The following LDAH variants were observed in gnomAD, a reference collection of about 807,000 sequenced individuals.
The protein encoded by LDAH is lipid droplet-associated hydrolase.
LDAH carries 26 observed loss-of-function variants against 29.6 expected under a neutral mutation model. The observed-to-expected ratio is 0.88, with a 90% CI of 0.64 to 1.22. The LOEUF (loss-of-function observed/expected upper bound fraction) is 1.22. LDAH is among the 50% of genes most tolerant of loss of function. The pLI is 0.00. For missense variants in LDAH, 344 were observed against 387.3 expected (o/e 0.89, Z 0.94); for synonymous variants, 117 against 133.0 (o/e 0.88, Z 0.83).
intron 1 of LDAH, among the ~76,000 whole-genome samples, chr2:20,802,870 T>C (rs1671800683): frequency 6.6e-6 from 1 of 152,192 alleles, no homozygotes; most frequent in Non-Finnish European, 1.5e-5. Context: ...GCCTTTAAAA[T>C]ATTTTTCATT....
At chr2:20,812,551 G>A (rs1470493548) in intron 1 of LDAH, among the ~76,000 whole-genome samples, 1 of 152,058 alleles carries the variant, frequency 6.6e-6, no homozygotes, top group Non-Finnish European at 1.5e-5. Flanking sequence ...TGACTTCTCT[G>A]CTGCCATATA....
chr2:20,714,105 T>C (rs1664978383), intron 5 of LDAH, among the ~76,000 whole-genome samples: 1 of 152,146 alleles, frequency 6.6e-6, no homozygotes, highest in South Asian at 2.1e-4. Context: ...ATGGCACTTA[T>C]TCCAAAATTG....
At chr2:20,798,263 G>T (rs1390553632) in intron 2 of LDAH, among the ~76,000 whole-genome samples, 1 of 152,128 alleles carries the variant, frequency 6.6e-6, no homozygotes, top group Non-Finnish European at 1.5e-5. Flanking sequence ...AGAAACGAGG[G>T]ATCCAAGCCA....
At chr2:20,735,333 A>G (rs143913288) in intron 5 of LDAH, among the ~76,000 whole-genome samples, 146 of 151,882 alleles carry the variant, frequency 9.6e-4, no homozygotes, top group African/African-American at 3.5e-3. Context: ...TTTTCTCTCT[A>G]TTGGATAATT....
chr2:20,789,766 C>T (rs1294647912), intron 3 of LDAH, among the ~76,000 whole-genome samples: 4 of 152,148 alleles, frequency 2.6e-5, no homozygotes, highest in East Asian at 1.9e-4. Flanking sequence ...GTCAGATCAG[C>T]GGCAGCAATG....
intron 4 of LDAH, among the ~76,000 whole-genome samples, chr2:20,767,480 G>C (rs1205393117): frequency 6.6e-6 from 1 of 152,234 alleles, no homozygotes; most frequent in Non-Finnish European, 1.5e-5. Flanking sequence ...GTCCCCTCTG[G>C]ACTTCGGGTG....
At chr2:20,769,961 T>C (rs1669293866) in intron 4 of LDAH, among the ~76,000 whole-genome samples, 1 of 152,134 alleles carries the variant, frequency 6.6e-6, no homozygotes, top group African/African-American at 2.4e-5. Flanking sequence ...AAAACTAAAA[T>C]AGACATACAT....
chr2:20,684,753 C>A lies in LDAH; in HGVS notation c.*2150G>T. 9.6e-7 allele frequency: 1 copy of A among 1,039,240 alleles called. No homozygotes were observed. Among genetic ancestry groups the A allele is most frequent in the Non-Finnish European group, 1.4e-6 (1 of 726,862 alleles). The allele number at this position is 1,039,240 out of a possible 1,614,324, so 64.4% of individuals were successfully genotyped here. A position where few individuals can be genotyped will look rare whatever the true frequency, so the allele number is the denominator to read the frequency against. On this transcript the variant is annotated 3_prime_UTR_variant, in exon 7 of 7. Coordinates refer to ENST00000237822, the MANE Select transcript of LDAH (RefSeq NM_021925.4). ...GGTCAAAGCTCAATCGCTGAGCACT[C>A]GGTAACTCTGCAGGAAGTTAAAACT... is the stretch of plus-strand genomic sequence containing the variant.
At chr2:20,760,585 T>C (rs1397978450) in intron 4 of LDAH, among the ~76,000 whole-genome samples, 1 of 152,184 alleles carries the variant, frequency 6.6e-6, no homozygotes, top group Non-Finnish European at 1.5e-5. Context: ...ATTCAGTTCT[T>C]TGTAGTGTAG....
At chr2:20,818,819 T>C (rs1043662820) in intron 1 of LDAH, among the ~76,000 whole-genome samples, 5 of 152,126 alleles carry the variant, frequency 3.3e-5, no homozygotes, top group Non-Finnish European at 7.4e-5. Flanking sequence ...AACTGCAAAA[T>C]ACTGTAGGAG....
At position 20,774,954 on chromosome 2, in the gene LDAH, G is replaced by A. The variant is rs1669702120; in HGVS notation, c.324C>T (p.Asp108=). The change falls in exon 4 of 7, where the codon GAC becomes GAT. Residue 108 remains aspartate (D), a synonymous_variant. Coordinates refer to ENST00000237822, the MANE Select transcript of LDAH (RefSeq NM_021925.4). ...CTATTTGTCCATTTAGTCCATAAAT[G>A]TCCTTAATTTCTTGAGCGTTTGAAT... ...SEDSNAQEIK[D]IYGLNGQIEH... The A allele has an allele frequency of 1.3e-6, 2 of 1,598,174 alleles. No homozygotes were observed. The highest frequency in any genetic ancestry group is 1.7e-6 in the Non-Finnish European group (2 of 1,168,510).
At chr2:20,689,148 T>C (rs1662812791) in intron 6 of LDAH, among the ~76,000 whole-genome samples, 1 of 152,086 alleles carries the variant, frequency 6.6e-6, no homozygotes, top group South Asian at 2.1e-4. Flanking sequence ...TTCATCCATG[T>C]CCCTGCAAAG....
intron 2 of LDAH, among the ~76,000 whole-genome samples, chr2:20,800,941 A>G (rs1671615566): frequency 6.6e-6 from 1 of 152,194 alleles, no homozygotes; most frequent in African/African-American, 2.4e-5. Flanking sequence ...CAAATATTCT[A>G]TAATAAACAT....
chr2:20,782,699 C>T lies in LDAH; in HGVS notation c.298+7556G>A, dbSNP rs369651068. On this transcript the variant is annotated intron_variant, in intron 3 of 6. Transcript: ENST00000237822. The stretch of plus-strand genomic sequence containing the variant: ...TTTCTTTCTGAATACTTGTAATTTG[C>T]GTCTTCTCTTTCTCCCCCCTTGGTT... Among the ~76,000 whole-genome samples the T allele has an allele frequency of 1.6e-3, 247 of 152,140 alleles. 2 individuals are homozygous for T. The highest frequency in any genetic ancestry group is 5.6e-3 in the African/African-American group (231 of 41,504).
intron 1 of LDAH, among the ~76,000 whole-genome samples, chr2:20,807,895 G>A (rs1320856007): frequency 2.0e-5 from 3 of 150,068 alleles, no homozygotes; most frequent in Non-Finnish European, 1.5e-5. Context: ...TAGGAAGAAA[G>A]TGTGATTATT....
In LDAH at chr2:20,749,762, C is replaced by T. The variant is rs572935564; in HGVS notation, c.469-9557G>A. On this transcript the variant is annotated intron_variant, in intron 4 of 6. Coordinates refer to ENST00000237822, the MANE Select transcript of LDAH (RefSeq NM_021925.4). ...TTAACTCACAGAGAAAAGGTTAGGC[C>T]CAAATGGCTGAAGTGTATAAGTCCC... Among the ~76,000 whole-genome samples, 3 of 152,210 alleles carry T rather than the reference C, an allele frequency of 2.0e-5. No individual in the cohort carries two copies. The South Asian group carries it at 6.2e-4, about 32-fold the overall frequency.
intron 6 of LDAH, among the ~76,000 whole-genome samples, chr2:20,693,703 A>G (rs1413841906): frequency 6.6e-6 from 1 of 152,252 alleles, no homozygotes; most frequent in Admixed American, 6.5e-5. Flanking sequence ...CCAAATGAAG[A>G]AAGGCACCGA....
At chr2:20,775,952 A>T (rs534883140) in intron 3 of LDAH, among the ~76,000 whole-genome samples, 45 of 152,310 alleles carry the variant, frequency 3.0e-4, no homozygotes, top group Non-Finnish European at 4.9e-4. Context: ...ACTGGAACTG[A>T]CTAGATGATC....
chr2:20,768,727 A>C (rs547445958), intron 4 of LDAH, among the ~76,000 whole-genome samples: 1 of 152,320 alleles, frequency 6.6e-6, no homozygotes, highest in East Asian at 1.9e-4. Context: ...ACACTCCTTT[A>C]TGGCAAATGA....
Sources: allele counts gnomAD v4.1 joint callset (sites outside exome capture counted in the v4.1 genomes callset), GRCh38; gene constraint gnomAD v4.1.1; transcripts MANE v1.5; gene names NCBI Gene and HGNC (gene_info 2026-07-23, HGNC 2026-07-21).